Variants in FAF1 observed in about 807,000 individuals in gnomAD.
FAF1 encodes the protein Fas associated factor 1.
Under a neutral mutation model 92.5 loss-of-function variants are expected in FAF1, and 25 were observed. The ratio of observed to expected loss-of-function variants is 0.27; its 90% CI spans 0.20 to 0.38. FAF1 has a LOEUF of 0.38. Among genes scored for constraint, FAF1 ranks in the 10% least tolerant of loss-of-function variants. The pLI, the probability that FAF1 is intolerant of heterozygous loss-of-function variation, is 1.00. For synonymous variants in FAF1, 234 were observed against 273.2 expected (o/e 0.86, Z 1.42); for missense variants, 636 against 793.3 (o/e 0.80, Z 2.38).
At chr1:50,746,912 C>T (rs1039982619) in intron 4 of FAF1, among the ~76,000 whole-genome samples, 15 of 152,200 alleles carry the variant, frequency 9.9e-5, no homozygotes, top group African/African-American at 3.4e-4. Context: ...TGCTCTGTAT[C>T]CAGCCATGGC....
chr1:50,621,805 T>G (rs1188037046), intron 8 of FAF1, among the ~76,000 whole-genome samples: 1 of 152,110 alleles, frequency 6.6e-6, no homozygotes, highest in Non-Finnish European at 1.5e-5. Flanking sequence ...CTGCCAGAGC[T>G]GACCAGCACA....
intron 15 of FAF1, among the ~76,000 whole-genome samples, chr1:50,533,024 C>A (rs1572813764): frequency 6.6e-6 from 1 of 152,242 alleles, no homozygotes; most frequent in East Asian, 1.9e-4. Context: ...CTATGTTGCC[C>A]AGGCTGATCT....
intron 1 of FAF1, among the ~76,000 whole-genome samples, chr1:50,944,724 C>T (rs1189104423): frequency 6.6e-6 from 1 of 152,158 alleles, no homozygotes; most frequent in Non-Finnish European, 1.5e-5. Context: ...GGTAACTGAA[C>T]AAGAATTAAG....
chr1:50,453,976 T>C (rs1177676636), intron 18 of FAF1, among the ~76,000 whole-genome samples: 9 of 152,218 alleles, frequency 5.9e-5, no homozygotes, highest in Non-Finnish European at 2.9e-5. Flanking sequence ...GACAAGTCAC[T>C]TTTTGTCCTC....
At chr1:50,725,577 ATACGAGTAG>A (rs1658614790) in intron 6 of FAF1, among the ~76,000 whole-genome samples, 1 of 152,104 alleles carries the variant, frequency 6.6e-6, no homozygotes, top group Non-Finnish European at 1.5e-5. Context: ...TGCCTCAGCT[ATACGAGTAG>A]CTGGGATTAC....
intron 2 of FAF1, among the ~76,000 whole-genome samples, chr1:50,819,678 T>TGTATATATATATACATATATATATAC (rs2124616861): frequency 8.0e-6 from 1 of 124,818 alleles, no homozygotes; most frequent in East Asian, 2.2e-4. Flanking sequence ...ACTCTCTCTC[T>TGTATATATATATACATATATATATAC]GTATATATAT....
intron 1 of FAF1, among the ~76,000 whole-genome samples, chr1:50,921,067 A>G (rs567988152): frequency 6.6e-6 from 1 of 152,358 alleles, no homozygotes; most frequent in African/African-American, 2.4e-5. Context: ...GTAAATGTAT[A>G]CAGTAACAAA....
chr1:50,786,567 CATATT>C (rs1370102962), intron 4 of FAF1, among the ~76,000 whole-genome samples: 2 of 152,134 alleles, frequency 1.3e-5, no homozygotes, highest in Non-Finnish European at 2.9e-5. Context: ...GGCTAAATCT[CATATT>C]ATGTGTTTTT....
At chr1:50,572,861 T>TA (rs947831965) in intron 12 of FAF1, among the ~76,000 whole-genome samples, 6 of 151,706 alleles carry the variant, frequency 4.0e-5, no homozygotes, top group African/African-American at 7.2e-5. Context: ...GATGATACTT[T>TA]AAAAAAAAAT....
At chr1:50,885,423 C>A (rs1015738251) in intron 1 of FAF1, among the ~76,000 whole-genome samples, 3 of 151,848 alleles carry the variant, frequency 2.0e-5, no homozygotes, top group African/African-American at 7.3e-5. Flanking sequence ...CTGAACTGAG[C>A]CCTTTATCAT....
At chr1:50,596,031 C>T in intron 9 of FAF1, 90 bp downstream of exon 9, 2 of 809,754 alleles carry the variant, frequency 2.5e-6, no homozygotes, top group East Asian at 2.5e-5. Context: ...TTTATCTGTT[C>T]ATTGCTCTGG....
chr1:50,565,416 G>C (rs1650129221), intron 13 of FAF1, among the ~76,000 whole-genome samples: 1 of 151,950 alleles, frequency 6.6e-6, no homozygotes, highest in African/African-American at 2.4e-5. Flanking sequence ...TTGAGAAATA[G>C]CTCTAAAGCC....
chr1:50,926,859 A>G (rs1645009908), intron 1 of FAF1, among the ~76,000 whole-genome samples: 1 of 152,256 alleles, frequency 6.6e-6, no homozygotes, highest in Admixed American at 6.5e-5. Context: ...CAAAATGTAT[A>G]AACAACTCAA....
rs527423420 is a variant in FAF1, at chr1:50,887,691, T to C, written c.46-29694A>G. Among the ~76,000 whole-genome samples, 3 of 152,298 alleles carry C rather than the reference T, an allele frequency of 2.0e-5. No homozygotes were observed. The East Asian group carries it at 5.8e-4, about 29-fold the overall frequency. Reference sequence around the variant, plus strand: ...TTGTCAAAGATCAGATGGTTGTAGATGTGTGGCATTATTTTGGAGGGCTCT... The same window carrying C: ...TTGTCAAAGATCAGATGGTTGTAGACGTGTGGCATTATTTTGGAGGGCTCT... On this transcript the variant is annotated intron_variant, in intron 1 of 18. Coordinates refer to ENST00000396153, the MANE Select transcript of FAF1 (RefSeq NM_007051.3).
At chr1:50,844,893 A>G (rs1557555365) in intron 2 of FAF1, among the ~76,000 whole-genome samples, 1 of 152,144 alleles carries the variant, frequency 6.6e-6, no homozygotes, top group Non-Finnish European at 1.5e-5. Flanking sequence ...TGTGGAAGAA[A>G]AGATTTTAAG....
chr1:50,855,896 A>G (rs990250905), intron 2 of FAF1, among the ~76,000 whole-genome samples: 3 of 151,892 alleles, frequency 2.0e-5, no homozygotes, highest in African/African-American at 7.2e-5. Context: ...CTGCACAAAT[A>G]TAACACCAGT....
intron 15 of FAF1, among the ~76,000 whole-genome samples, chr1:50,495,974 C>T (rs1348265852): frequency 6.6e-6 from 1 of 151,884 alleles, no homozygotes; most frequent in Non-Finnish European, 1.5e-5. Context: ...TTACAATTCA[C>T]TGAAAATGAT....
intron 15 of FAF1, among the ~76,000 whole-genome samples, chr1:50,494,559 C>T (rs561471664): frequency 6.6e-4 from 100 of 152,312 alleles, no homozygotes; most frequent in African/African-American, 2.3e-3. Flanking sequence ...CACTCCTTGC[C>T]ACACCAAAGT....
chr1:50,537,201 G>A (rs17106273), intron 14 of FAF1, among the ~76,000 whole-genome samples: 1,898 of 152,252 alleles, frequency 0.012, 42 homozygotes, highest in African/African-American at 0.042. Context: ...GAGTACACTG[G>A]AATCATCAGT....
Sources: allele counts gnomAD v4.1 joint callset (sites outside exome capture counted in the v4.1 genomes callset), GRCh38; gene constraint gnomAD v4.1.1; transcripts MANE v1.5; gene names NCBI Gene and HGNC (gene_info 2026-07-23, HGNC 2026-07-21).